The following RBFOX1 variants were observed in gnomAD, a reference collection of about 807,000 sequenced individuals.
RBFOX1 encodes RNA binding fox-1 homolog 1, also known as RNA binding protein fox-1 homolog 1.
RBFOX1 carries 8 observed loss-of-function variants against 57.7 expected under a neutral mutation model. That is an observed-to-expected ratio of 0.14 (90% CI 0.08 to 0.25). The LOEUF (loss-of-function observed/expected upper bound fraction) is 0.25, where lower values mean the gene tolerates loss of function less well. Ranked by LOEUF, RBFOX1 falls within the 10% of genes least tolerant of loss-of-function variation. RBFOX1 has a pLI of 1.00. For synonymous variants in RBFOX1, 326 were observed against 222.4 expected (o/e 1.47, Z -4.15); for missense variants, 611 against 548.5 (o/e 1.11, Z -1.14).
At chr16:6,607,598 CTCTCCTCTCTCTT>C (rs1167061346) in intron 2 of RBFOX1, among the ~76,000 whole-genome samples, 4 of 151,654 alleles carry the variant, frequency 2.6e-5, no homozygotes, top group African/African-American at 9.7e-5. Flanking sequence ...TCCTCTCTCT[CTCTCCTCTCTCTT>C]TCTCTCTCTT....
chr16:7,469,047 C>T (rs1266572524), intron 4 of RBFOX1, among the ~76,000 whole-genome samples: 1 of 152,060 alleles, frequency 6.6e-6, no homozygotes, highest in Non-Finnish European at 1.5e-5. Context: ...CATTTTCCTG[C>T]CTCAGCCTCC....
intron 3 of RBFOX1, among the ~76,000 whole-genome samples, chr16:6,841,410 C>T (rs1271138209): frequency 1.3e-5 from 2 of 152,268 alleles, no homozygotes; most frequent in Non-Finnish European, 1.5e-5. Flanking sequence ...TGTTAATTGA[C>T]ATCCTGTTTT....
rs117265572 is a variant in RBFOX1 at position 6,376,218 on chromosome 16, T to C, written c.-64+59161T>C. Among the ~76,000 whole-genome samples, 435 of 152,328 alleles carry C rather than the reference T, an allele frequency of 2.9e-3. 4 individuals are homozygous for C. Among genetic ancestry groups the C allele is most frequent in the Middle Eastern group, 0.017 (5 of 294 alleles). ...CCAGGATCCTTGGGATCACTGGCCT[T>C]GTCATTTATGTTCCTGCTTATGTCC... On this transcript the variant is annotated intron_variant, in intron 2 of 15. Transcript: ENST00000550418.
intron 3 of RBFOX1, among the ~76,000 whole-genome samples, chr16:5,664,243 G>A (rs2151395889): frequency 6.6e-6 from 1 of 152,332 alleles, no homozygotes; most frequent in East Asian, 1.9e-4. Context: ...GGAGTCAGTT[G>A]TGAACTCTTT....
intron 3 of RBFOX1, among the ~76,000 whole-genome samples, chr16:5,795,201 G>A (rs1020910816): frequency 5.9e-5 from 9 of 152,126 alleles, no homozygotes; most frequent in Admixed American, 1.3e-4. Flanking sequence ...ATGATTCTAC[G>A]TCAGTTTCAT....
intron 10 of RBFOX1, among the ~76,000 whole-genome samples, chr16:7,624,325 A>G (rs1238206683): frequency 3.9e-5 from 6 of 152,266 alleles, no homozygotes; most frequent in African/African-American, 1.4e-4. Flanking sequence ...CCAAAGCCAT[A>G]ATAGTTATAT....
intron 1 of RBFOX1, among the ~76,000 whole-genome samples, chr16:5,353,935 C>T (rs1007306612): frequency 2.2e-4 from 33 of 151,834 alleles, no homozygotes; most frequent in African/African-American, 5.3e-4. Flanking sequence ...CAGCCTGGGG[C>T]GGTGTAGTAA....
At chr16:7,704,628 C>T (rs193220367) in intron 14 of RBFOX1, among the ~76,000 whole-genome samples, 35 of 152,268 alleles carry the variant, frequency 2.3e-4, no homozygotes, top group African/African-American at 7.7e-4. Flanking sequence ...AGACACTGCC[C>T]CAGCCTCCAT....
chr16:7,161,290 A>T lies in RBFOX1; in HGVS notation c.27+109192A>T, dbSNP rs547242478. Among the ~76,000 whole-genome samples, 31 of 151,792 alleles carry T rather than the reference A, an allele frequency of 2.0e-4. 1 individual carries two copies. In the South Asian group the frequency reaches 6.4e-3, roughly 31 times the overall value. On this transcript the variant is annotated intron_variant, in intron 4 of 15. Transcript: ENST00000550418. ...CTGTGACCATGAGATAGGGGAATGC[A>T]GTATGTGTAAGGAATATTTGCTAAC...
chr16:6,921,509 T>C (rs2074432006), intron 3 of RBFOX1, among the ~76,000 whole-genome samples: 1 of 152,220 alleles, frequency 6.6e-6, no homozygotes, highest in Admixed American at 6.5e-5. Context: ...TTCAGCTTTC[T>C]GAGGTCACCC....
chr16:7,109,527 C>T (rs183779310), intron 4 of RBFOX1, among the ~76,000 whole-genome samples: 1 of 151,950 alleles, frequency 6.6e-6, no homozygotes, highest in African/African-American at 2.4e-5. Flanking sequence ...GAGTGACTCA[C>T]CTAAAAAGAG....
intron 3 of RBFOX1, among the ~76,000 whole-genome samples, chr16:6,913,512 CA>C (rs1384321726): frequency 6.6e-6 from 1 of 152,174 alleles, no homozygotes; most frequent in Admixed American, 6.5e-5. Flanking sequence ...CCATCATCTG[CA>C]GTGCCCGATG....
At chr16:6,480,171 T>TTC (rs2095350809) in intron 2 of RBFOX1, among the ~76,000 whole-genome samples, 1 of 152,228 alleles carries the variant, frequency 6.6e-6, no homozygotes, top group Non-Finnish European at 1.5e-5. Flanking sequence ...CCTTTTGTTC[T>TTC]TTTAAGAGAA....
At chr16:5,920,658 G>T (rs1285969858) in intron 4 of RBFOX1, among the ~76,000 whole-genome samples, 1 of 152,132 alleles carries the variant, frequency 6.6e-6, no homozygotes, top group East Asian at 1.9e-4. Flanking sequence ...CAAAAGTGGG[G>T]CAGCGGGGAG....
intron 3 of RBFOX1, among the ~76,000 whole-genome samples, chr16:6,852,727 G>T (rs2094136252): frequency 1.3e-5 from 2 of 152,116 alleles, no homozygotes; most frequent in African/African-American, 4.8e-5. Flanking sequence ...GGCGTGGGCT[G>T]GGAACTAGCT....
intron 4 of RBFOX1, among the ~76,000 whole-genome samples, chr16:5,906,741 T>G (rs1048899674): frequency 5.0e-5 from 7 of 140,088 alleles, no homozygotes; most frequent in African/African-American, 1.9e-4. Context: ...TTTTTTTTTT[T>G]TTTTTTTTTT....
chr16:7,643,221 G>A (rs1326606265), intron 11 of RBFOX1, among the ~76,000 whole-genome samples: 1 of 152,150 alleles, frequency 6.6e-6, no homozygotes, highest in Non-Finnish European at 1.5e-5. Context: ...GTCTTTTGCT[G>A]TTGCTTTAAT....
chr16:7,143,872 A>G (rs1469371832), intron 4 of RBFOX1, among the ~76,000 whole-genome samples: 5 of 152,172 alleles, frequency 3.3e-5, no homozygotes, highest in African/African-American at 1.2e-4. Context: ...CCTAGAAGGT[A>G]AGAGCTACTA....
intron 2 of RBFOX1, among the ~76,000 whole-genome samples, chr16:6,317,636 C>G (rs368505089): frequency 3.4e-4 from 52 of 152,040 alleles, no homozygotes; most frequent in African/African-American, 1.2e-3. Context: ...CACTTTCTGC[C>G]TTTCTCATTG....
Sources: allele counts gnomAD v4.1 joint callset (sites outside exome capture counted in the v4.1 genomes callset), GRCh38; gene constraint gnomAD v4.1.1; transcripts MANE v1.5; gene names NCBI Gene and HGNC (gene_info 2026-07-23, HGNC 2026-07-21).